PACSIN2: variants seen among roughly 807,000 people sequenced by gnomAD.
PACSIN2 encodes protein kinase C and casein kinase substrate in neurons 2.
In PACSIN2, 25 loss-of-function variants were observed where a neutral mutation model predicts 63.8. The observed-to-expected ratio is 0.39, with a 90% CI of 0.29 to 0.55. The LOEUF is 0.55. PACSIN2 is among the 20% of genes least tolerant of loss of function. The pLI is 0.62. For synonymous variants in PACSIN2, 255 were observed against 256.2 expected (o/e 1.00, Z 0.05); for missense variants, 518 against 646.9 (o/e 0.80, Z 2.16).
At chr22:43,010,235 G>C (rs919902533) in intron 1 of PACSIN2, among the ~76,000 whole-genome samples, 4 of 151,126 alleles carry the variant, frequency 2.6e-5, no homozygotes, top group Non-Finnish European at 2.9e-5. Flanking sequence ...ACACGCAAAT[G>C]ATTTTTTTAG....
intron 1 of PACSIN2, among the ~76,000 whole-genome samples, chr22:42,965,690 C>T (rs1216703755): frequency 6.6e-6 from 1 of 152,124 alleles, no homozygotes; most frequent in Non-Finnish European, 1.5e-5. Context: ...GTAGAGGATC[C>T]AAATGGTCCA....
intron 1 of PACSIN2, among the ~76,000 whole-genome samples, chr22:42,989,568 G>A (rs577494404): frequency 1.3e-5 from 2 of 151,418 alleles, no homozygotes; most frequent in South Asian, 2.1e-4. Flanking sequence ...AGGCCGAGGC[G>A]GGTGGATCAC....
chr22:42,921,401 C>A (rs1014759547), intron 1 of PACSIN2, among the ~76,000 whole-genome samples: 2 of 151,592 alleles, frequency 1.3e-5, no homozygotes, highest in African/African-American at 2.4e-5. Context: ...GCATTTGGAG[C>A]CAAGCCATCA....
At chr22:43,010,133 G>C (rs1240580218) in intron 1 of PACSIN2, among the ~76,000 whole-genome samples, 30 of 151,758 alleles carry the variant, frequency 2.0e-4, no homozygotes, top group Admixed American at 2.0e-3. Flanking sequence ...TTCCCATAGT[G>C]CTGGGATTAC....
intron 1 of PACSIN2, among the ~76,000 whole-genome samples, chr22:42,997,774 G>A (rs1484263237): frequency 6.6e-6 from 1 of 152,022 alleles, no homozygotes; most frequent in Non-Finnish European, 1.5e-5. Flanking sequence ...TCACTCGGGA[G>A]GCAGAGTGAG....
chr22:42,920,138 A>T (rs1932089084), intron 1 of PACSIN2, among the ~76,000 whole-genome samples: 1 of 152,088 alleles, frequency 6.6e-6, no homozygotes, highest in African/African-American at 2.4e-5. Context: ...AAAATAAGAA[A>T]GAATCTAAAA....
intron 1 of PACSIN2, among the ~76,000 whole-genome samples, chr22:43,001,833 C>T (rs1031420069): frequency 6.6e-6 from 1 of 152,164 alleles, no homozygotes; most frequent in Admixed American, 6.5e-5. Flanking sequence ...AGGGAGGGGA[C>T]CCAGGGGTAA....
intron 1 of PACSIN2, among the ~76,000 whole-genome samples, chr22:42,955,954 T>C (rs1933899466): frequency 6.6e-6 from 1 of 152,252 alleles, no homozygotes; most frequent in Non-Finnish European, 1.5e-5. Context: ...AAACTAGCAC[T>C]ACCAATCTAT....
intron 1 of PACSIN2, among the ~76,000 whole-genome samples, chr22:42,978,655 C>T (rs867543119): frequency 1.3e-5 from 2 of 152,306 alleles, no homozygotes; most frequent in East Asian, 3.9e-4. Flanking sequence ...TTCTGGAGTT[C>T]CTATGAATGA....
At chr22:42,979,230 A>G (rs1199860845) in intron 1 of PACSIN2, among the ~76,000 whole-genome samples, 7 of 152,196 alleles carry the variant, frequency 4.6e-5, no homozygotes, top group Non-Finnish European at 1.0e-4. Context: ...TTACAGAAAT[A>G]TAGAGATATT....
intron 1 of PACSIN2, among the ~76,000 whole-genome samples, chr22:42,952,855 G>A (rs947391068): frequency 4.6e-5 from 7 of 151,884 alleles, no homozygotes; most frequent in South Asian, 4.2e-4. Context: ...TAGTAGAGAC[G>A]GGGTTTCTCC....
intron 1 of PACSIN2, among the ~76,000 whole-genome samples, chr22:42,999,609 C>T (rs1009887497): frequency 2.0e-5 from 3 of 151,940 alleles, no homozygotes; most frequent in East Asian, 1.9e-4. Context: ...CGGAGGTTGC[C>T]GTGAGACAAG....
chr22:42,931,527 C>A (rs562299828), intron 1 of PACSIN2, among the ~76,000 whole-genome samples: 4 of 152,116 alleles, frequency 2.6e-5, no homozygotes, highest in African/African-American at 9.7e-5. Flanking sequence ...ACACAGTCAG[C>A]GTCAATGGAA....
At chr22:42,964,658 C>A (rs1224149161) in intron 1 of PACSIN2, among the ~76,000 whole-genome samples, 1 of 152,040 alleles carries the variant, frequency 6.6e-6, no homozygotes, top group Non-Finnish European at 1.5e-5. Context: ...TTCCTATGTA[C>A]CTGGGTCCCT....
rs1924688954 is a variant in PACSIN2, at chr22:43,014,168, C to T, written c.-78+853G>A. On this transcript the variant is annotated intron_variant, in intron 1 of 10. Transcript: ENST00000263246. The stretch of plus-strand genomic sequence containing the variant: ...GGACCTCTCAGGATGCCTGGCCAGG[C>T]TTGAAAGCCCTAGAGGAGTAAGGAG... Among the ~76,000 whole-genome samples, 4 of 151,882 alleles carry T rather than the reference C, an allele frequency of 2.6e-5. No individual in the cohort carries two copies. The South Asian group carries it at 8.3e-4, about 31-fold the overall frequency.
At chr22:42,978,357 G>C (rs1921851462) in intron 1 of PACSIN2, among the ~76,000 whole-genome samples, 1 of 152,104 alleles carries the variant, frequency 6.6e-6, no homozygotes, top group African/African-American at 2.4e-5. Flanking sequence ...TGTTTCTCTT[G>C]GCATGAGCAC....
intron 2 of PACSIN2, among the ~76,000 whole-genome samples, 193 bp from the exon 3 acceptor site, chr22:42,893,806 C>T (rs546376366): frequency 1.5e-4 from 23 of 152,272 alleles, no homozygotes; most frequent in Non-Finnish European, 2.8e-4. Context: ...TTAATAAGAT[C>T]ATACACATCA....
intron 1 of PACSIN2, among the ~76,000 whole-genome samples, chr22:43,007,840 C>T (rs1359252937): frequency 6.6e-6 from 1 of 152,188 alleles, no homozygotes; most frequent in Non-Finnish European, 1.5e-5. Flanking sequence ...ATGCAGTGGC[C>T]AGGACCACTA....
At chr22:42,887,076 C>T (rs2267462) in intron 5 of PACSIN2, among the ~76,000 whole-genome samples, 28,688 of 152,162 alleles carry the variant, frequency 0.19, 4,297 homozygotes, top group East Asian at 0.55. Flanking sequence ...AGAGTTCTCC[C>T]GGACCTTGTG....
Sources: allele counts gnomAD v4.1 joint callset (sites outside exome capture counted in the v4.1 genomes callset), GRCh38; gene constraint gnomAD v4.1.1; transcripts MANE v1.5; gene names NCBI Gene and HGNC (gene_info 2026-07-23, HGNC 2026-07-21).